Variants in CALCR observed in about 807,000 individuals in gnomAD.
CALCR encodes calcitonin receptor.
In CALCR, 47 loss-of-function variants were observed where a neutral mutation model predicts 59.5. The ratio of observed to expected loss-of-function variants is 0.79; its 90% CI spans 0.63 to 1.01. The LOEUF is 1.01. Ranked by LOEUF, CALCR falls within the 50% of genes least tolerant of loss-of-function variation. The probability of loss-of-function intolerance (pLI) is 0.00; values close to 1 mark genes in which losing one functional copy is unlikely to be tolerated. For synonymous variants in CALCR, 213 were observed against 211.3 expected, an observed-to-expected ratio of 1.01 and a Z score of -0.07; for missense variants, 566 against 597.1, an observed-to-expected ratio of 0.95 and a Z score of 0.54.
At chr7:93,553,751 T>C (rs990572472) in intron 2 of CALCR, among the ~76,000 whole-genome samples, 1 of 152,326 alleles carries the variant, frequency 6.6e-6, no homozygotes. Context: ...ATTAATCTTC[T>C]GTACTCTTCC....
intron 8 of CALCR, among the ~76,000 whole-genome samples, chr7:93,453,727 T>A (rs747509966): frequency 6.6e-6 from 1 of 151,926 alleles, no homozygotes; most frequent in Non-Finnish European, 1.5e-5. Flanking sequence ...ACCACCAAGA[T>A]CGGCCAAATG....
chr7:93,459,814 T>C (rs926263606), intron 8 of CALCR, among the ~76,000 whole-genome samples: 3 of 152,078 alleles, frequency 2.0e-5, no homozygotes, highest in Non-Finnish European at 2.9e-5. Flanking sequence ...GTAGGAAAAA[T>C]CCAGAATGGT....
intron 2 of CALCR, among the ~76,000 whole-genome samples, chr7:93,489,961 G>A (rs777172070): frequency 6.6e-6 from 1 of 151,714 alleles, no homozygotes; most frequent in Non-Finnish European, 1.5e-5. Flanking sequence ...AACAAAAGAA[G>A]AACACTTCAG....
At position 93,434,280 on chromosome 7, in the gene CALCR, C is replaced by T. The variant is rs779850045; in HGVS notation, c.1164G>A (p.Ala388=). The change falls in exon 13 of 14, where the codon GCG becomes GCA. Residue 388 remains alanine (A), a synonymous_variant. Coordinates refer to ENST00000426151, the MANE Select transcript of CALCR (RefSeq NM_001742.4). ...CATTGTTGCAGAAGCAGTAGATGGTCGCAACAAAGAAGCCCTAAAAAGGGA... is the reference window on the plus strand; with the variant it reads ...CATTGTTGCAGAAGCAGTAGATGGTTGCAACAAAGAAGCCCTAAAAAGGGA... ...SLIHFQGFFV[A]TIYCFCNNEV... is the part of the protein sequence containing the mutation. 3.5e-5 allele frequency: 56 copies of T among 1,609,200 alleles called. No homozygotes were observed. In the Middle Eastern group the frequency reaches 4.9e-4, roughly 14 times the overall value.
At chr7:93,562,338 CAT>C (rs936262202) in intron 2 of CALCR, among the ~76,000 whole-genome samples, 1 of 152,034 alleles carries the variant, frequency 6.6e-6, no homozygotes, top group Admixed American at 6.6e-5. Context: ...AAAAGCAAAA[CAT>C]ATGCGTGATT....
chr7:93,558,982 G>A, intron 2 of CALCR, among the ~76,000 whole-genome samples: 1 of 152,086 alleles, frequency 6.6e-6, no homozygotes. Flanking sequence ...GCTGATTAAA[G>A]TGAGAAAATC....
At chr7:93,518,190 T>C (rs1017199470) in intron 2 of CALCR, among the ~76,000 whole-genome samples, 1 of 151,450 alleles carries the variant, frequency 6.6e-6, no homozygotes, top group Non-Finnish European at 1.5e-5. Flanking sequence ...AAGATAGGAA[T>C]TTAAAATTTA....
chr7:93,483,454 T>TAGATAGATAGAC (rs1170253401), intron 3 of CALCR, among the ~76,000 whole-genome samples: 1 of 92,280 alleles, frequency 1.1e-5, no homozygotes, highest in African/African-American at 6.1e-5. Flanking sequence ...GATAGATAGA[T>TAGATAGATAGAC]AGACAGACAG....
At chr7:93,566,641 A>C (rs1789869601) in intron 2 of CALCR, among the ~76,000 whole-genome samples, 1 of 152,106 alleles carries the variant, frequency 6.6e-6, no homozygotes, top group Non-Finnish European at 1.5e-5. Context: ...AGATGTATGA[A>C]CCTTGCTGGG....
chr7:93,543,808 C>A (rs1789209849), intron 2 of CALCR, among the ~76,000 whole-genome samples: 1 of 151,818 alleles, frequency 6.6e-6, no homozygotes, highest in Non-Finnish European at 1.5e-5. Context: ...ACACATTAGT[C>A]TATCAAATTG....
chr7:93,560,501 C>T (rs1342286145), intron 2 of CALCR, among the ~76,000 whole-genome samples: 1 of 152,070 alleles, frequency 6.6e-6, no homozygotes, highest in Non-Finnish European at 1.5e-5. Flanking sequence ...CAGCCACGGC[C>T]TCCTTTATGC....
At chr7:93,460,585 A>ATATG (rs1800306232) in intron 8 of CALCR, among the ~76,000 whole-genome samples, 1 of 108,574 alleles carries the variant, frequency 9.2e-6, no homozygotes, top group Admixed American at 9.6e-5. Context: ...ATATATATAT[A>ATATG]TATATATGTA....
At chr7:93,481,367 G>C (rs562529185) in intron 3 of CALCR, among the ~76,000 whole-genome samples, 3 of 151,792 alleles carry the variant, frequency 2.0e-5, no homozygotes, top group East Asian at 2.0e-4. Context: ...GGCCTGGCTG[G>C]ACTAGATCAG....
At chr7:93,510,432 G>A (rs532323232) in intron 2 of CALCR, among the ~76,000 whole-genome samples, 1 of 152,274 alleles carries the variant, frequency 6.6e-6, no homozygotes, top group East Asian at 1.9e-4. Flanking sequence ...GGGCCAGGGA[G>A]GCACCCATCA....
At chr7:93,572,009 T>TA (rs1459298296) in intron 2 of CALCR, among the ~76,000 whole-genome samples, 16 of 152,294 alleles carry the variant, frequency 1.1e-4, no homozygotes, top group African/African-American at 3.8e-4. Flanking sequence ...CATCAAGTAT[T>TA]ATTTTCAACA....
intron 5 of CALCR, among the ~76,000 whole-genome samples, chr7:93,476,616 C>A (rs966312478): frequency 6.6e-6 from 1 of 151,778 alleles, no homozygotes; most frequent in Admixed American, 6.6e-5. Flanking sequence ...CAAAACCTTG[C>A]CTTGTAGTCA....
rs1356624676 is a variant in CALCR at position 93,462,741 on chromosome 7, T to C, written c.522-1794A>G. 3.3e-5 allele frequency among the ~76,000 whole-genome samples: 5 copies of C among 152,168 alleles called. No homozygotes were observed. The East Asian group carries it at 5.8e-4, about 18-fold the overall frequency. ...TGTTCAATAATCTGCTGTTGTACAT[T>C]AGCTTAAATGACTTCATTAACTTCA... On this transcript the variant is annotated intron_variant, in intron 7 of 13. Transcript: ENST00000426151.
At chr7:93,433,554 T>C (rs915750876) in intron 13 of CALCR, among the ~76,000 whole-genome samples, 2 of 152,174 alleles carry the variant, frequency 1.3e-5, no homozygotes, top group African/African-American at 2.4e-5. Context: ...TCAGATTTCT[T>C]CCCTGAAAAA....
At chr7:93,436,201 T>G in intron 11 of CALCR, 31 bp from the exon 12 acceptor site, 1 of 1,544,726 alleles carries the variant, frequency 6.5e-7, no homozygotes, top group Non-Finnish European at 8.9e-7. Context: ...GAGCAAATCA[T>G]ACAGAAAAGT....
Sources: allele counts gnomAD v4.1 joint callset (sites outside exome capture counted in the v4.1 genomes callset), GRCh38; gene constraint gnomAD v4.1.1; transcripts MANE v1.5; gene names NCBI Gene and HGNC (gene_info 2026-07-23, HGNC 2026-07-21).